The following LAMA2 variants were observed in gnomAD, a reference collection of about 807,000 sequenced individuals.
LAMA2 encodes laminin subunit alpha-2.
A neutral mutation model predicts 364.8 loss-of-function variants in LAMA2; 269 were observed. The observed-to-expected ratio is 0.74, with a 90% CI of 0.67 to 0.82. The LOEUF is 0.82. Ranked by LOEUF, LAMA2 falls within the 40% of genes least tolerant of loss-of-function variation. The pLI is 0.00. For missense variants in LAMA2, 3,807 were observed against 3,873.2 expected (o/e 0.98, Z 0.45); for synonymous variants, 1,379 against 1,370.6 (o/e 1.01, Z -0.14).
At chr6:129,463,121 T>C (rs1302487937) in intron 49 of LAMA2, among the ~76,000 whole-genome samples, 3 of 152,054 alleles carry the variant, frequency 2.0e-5, no homozygotes, top group Non-Finnish European at 4.4e-5. Context: ...GATATTTTAA[T>C]AGACTTAGCC....
At chr6:129,052,122 A>G (rs1788094013) in intron 2 of LAMA2, among the ~76,000 whole-genome samples, 1 of 148,450 alleles carries the variant, frequency 6.7e-6, no homozygotes, top group Non-Finnish European at 1.5e-5. Context: ...AAATTTGCTT[A>G]GTATTTCTTC....
chr6:129,224,855 G>C (rs958503247), intron 12 of LAMA2, among the ~76,000 whole-genome samples: 5 of 152,198 alleles, frequency 3.3e-5, no homozygotes, highest in Admixed American at 1.3e-4. Flanking sequence ...CATCAAATGA[G>C]TTAGAGAGGA....
intron 3 of LAMA2, among the ~76,000 whole-genome samples, chr6:129,092,932 A>G (rs1480334552): frequency 6.6e-6 from 1 of 152,154 alleles, no homozygotes; most frequent in African/African-American, 2.4e-5. Context: ...GTGGTGCTCA[A>G]AAGTCTCTGT....
At chr6:129,038,090 AAG>A (rs1288515334) in intron 1 of LAMA2, among the ~76,000 whole-genome samples, 5 of 152,234 alleles carry the variant, frequency 3.3e-5, no homozygotes, top group Non-Finnish European at 7.3e-5. Context: ...AGTGAAAATA[AAG>A]AGCACATTAA....
intron 1 of LAMA2, chr6:128,929,067 TGTG>T: frequency 6.9e-7 from 1 of 1,454,412 alleles, no homozygotes; most frequent in Non-Finnish European, 9.6e-7. Flanking sequence ...TAGTGGCTAA[TGTG>T]GTCATCCAGA....
chr6:128,936,811 G>A (rs746315279), intron 1 of LAMA2, among the ~76,000 whole-genome samples: 16 of 152,114 alleles, frequency 1.1e-4, no homozygotes, highest in Non-Finnish European at 1.9e-4. Flanking sequence ...CATAAAGTTA[G>A]GTTATTATTG....
intron 1 of LAMA2, among the ~76,000 whole-genome samples, chr6:128,909,307 A>T (rs574407468): frequency 6.6e-6 from 1 of 151,958 alleles, no homozygotes. Flanking sequence ...TTGCTTTATG[A>T]ATCTGGGTGC....
chr6:128,998,508 T>A (rs1784149865), intron 1 of LAMA2, among the ~76,000 whole-genome samples: 1 of 108,580 alleles, frequency 9.2e-6, no homozygotes, highest in Non-Finnish European at 1.8e-5. Flanking sequence ...CACTAGGGAG[T>A]GCCAGACAGT....
chr6:128,967,894 T>A (rs946195292), intron 1 of LAMA2, among the ~76,000 whole-genome samples: 6 of 152,274 alleles, frequency 3.9e-5, no homozygotes, highest in African/African-American at 1.4e-4. Flanking sequence ...TATTATTCAG[T>A]CTTAGCCGAA....
chr6:129,158,162 G>A lies in LAMA2; in HGVS notation c.1206+3479G>A, dbSNP rs1017531628. 3.1e-6 allele frequency: 5 copies of A among 1,612,904 alleles called. No individual in the cohort carries two copies. In the Admixed American group the frequency reaches 6.7e-5, roughly 22 times the overall value. On this transcript the variant is annotated intron_variant, in intron 8 of 64. Coordinates refer to ENST00000421865, the MANE Select transcript of LAMA2 (RefSeq NM_000426.4). The stretch of plus-strand genomic sequence containing the variant: ...TGGTGTCCAGCGTAGCACATTTCAG[G>A]AAGTCATAGAGAGATCCATTTTCAT...
intron 1 of LAMA2, among the ~76,000 whole-genome samples, chr6:128,883,651 C>A (rs1775956598): frequency 6.6e-6 from 1 of 151,914 alleles, no homozygotes; most frequent in South Asian, 2.1e-4. Flanking sequence ...TGAAATCTTT[C>A]CAAGAGGAAA....
intron 58 of LAMA2, among the ~76,000 whole-genome samples, chr6:129,498,974 C>A (rs1272906895): frequency 1.3e-5 from 2 of 152,170 alleles, no homozygotes; most frequent in African/African-American, 4.8e-5. Flanking sequence ...CAATTTGGTG[C>A]ACTATCTACT....
intron 29 of LAMA2, among the ~76,000 whole-genome samples, chr6:129,330,600 T>TTG (rs10655632): frequency 0.48 from 64,191 of 133,426 alleles, 16,126 homozygotes; most frequent in East Asian, 0.64. Flanking sequence ...TGGTTTTTGT[T>TTG]TTTTTTTTTT....
chr6:129,158,040 C>T (rs2114982116), intron 8 of LAMA2: 9 of 1,612,702 alleles, frequency 5.6e-6, no homozygotes, highest in East Asian at 2.2e-5. Flanking sequence ...CTTTAGGTCT[C>T]GATGAGCAAT....
At chr6:129,216,409 A>T (rs1783426267) in intron 12 of LAMA2, among the ~76,000 whole-genome samples, 2 of 152,214 alleles carry the variant, frequency 1.3e-5, no homozygotes, top group African/African-American at 4.8e-5. Flanking sequence ...ACACATAGTT[A>T]TCTGAATTGC....
At chr6:129,276,075 G>A (rs935632911) in intron 17 of LAMA2, among the ~76,000 whole-genome samples, 1 of 151,996 alleles carries the variant, frequency 6.6e-6, no homozygotes, top group Non-Finnish European at 1.5e-5. Context: ...AATTTATGAC[G>A]CTAACACCAA....
chr6:129,347,786 C>A (rs946354268), intron 30 of LAMA2, among the ~76,000 whole-genome samples: 2 of 152,082 alleles, frequency 1.3e-5, no homozygotes, highest in African/African-American at 4.8e-5. Flanking sequence ...ATCCCTACTC[C>A]CTCCAGAAGA....
chr6:129,032,073 C>T (rs1385649618), intron 1 of LAMA2, among the ~76,000 whole-genome samples: 3 of 152,196 alleles, frequency 2.0e-5, no homozygotes, highest in Non-Finnish European at 4.4e-5. Flanking sequence ...CTGCCTCGGC[C>T]TCCCAAAGTG....
Position 128,915,850 on chromosome 6 carries a change from G to A in LAMA2, c.112+32493G>A, listed in dbSNP as rs183797708. Among the ~76,000 whole-genome samples, 61 of 152,232 alleles carry A rather than the reference G, an allele frequency of 4.0e-4. No homozygotes were observed. The East Asian group carries it at 9.6e-3, about 24-fold the overall frequency. ...TTGTATATTTGTAGTGAAAACAACC[G>A]TGGGGGAATAATATAAGCTTAATCA... On this transcript the variant is annotated intron_variant, in intron 1 of 64. Coordinates refer to ENST00000421865, the MANE Select transcript of LAMA2 (RefSeq NM_000426.4).
Sources: allele counts gnomAD v4.1 joint callset (sites outside exome capture counted in the v4.1 genomes callset), GRCh38; gene constraint gnomAD v4.1.1; transcripts MANE v1.5; gene names NCBI Gene and HGNC (gene_info 2026-07-23, HGNC 2026-07-21).